EDC3: variants seen among roughly 807,000 people sequenced by gnomAD.
EDC3 encodes enhancer of mRNA decapping 3.
EDC3 carries 20 observed loss-of-function variants against 41.8 expected under a neutral mutation model. That is an observed-to-expected ratio of 0.48 (90% CI 0.34 to 0.70). EDC3 has a LOEUF of 0.70. EDC3 is among the 30% of genes least tolerant of loss of function. EDC3 has a pLI of 0.01. For synonymous variants in EDC3, 206 were observed against 243.2 expected, an observed-to-expected ratio of 0.85 and a Z score of 1.42; for missense variants, 444 against 636.8, an observed-to-expected ratio of 0.70 and a Z score of 3.26.
intron 3 of EDC3, among the ~76,000 whole-genome samples, chr15:74,657,857 C>T (rs965012073): frequency 6.6e-6 from 1 of 152,168 alleles, no homozygotes; most frequent in Admixed American, 6.5e-5. Context: ...TTTCGGTTAA[C>T]GTGATCTCTT....
At chr15:74,678,419 G>GA (rs994544834) in intron 1 of EDC3, among the ~76,000 whole-genome samples, 10 of 152,056 alleles carry the variant, frequency 6.6e-5, no homozygotes, top group Non-Finnish European at 1.3e-4. Context: ...CTATTTAATA[G>GA]AAAAAACCAA....
chr15:74,643,214 A>G (rs2062374617), intron 4 of EDC3: 1 of 152,234 alleles, frequency 6.6e-6, no homozygotes, highest in South Asian at 2.1e-4. Flanking sequence ...TGTAAATTGC[A>G]AACAACAACA....
intron 1 of EDC3, among the ~76,000 whole-genome samples, chr15:74,684,084 G>GTTTTT (rs58548595): frequency 9.7e-5 from 10 of 103,052 alleles, no homozygotes; most frequent in East Asian, 2.9e-4. Flanking sequence ...TTTTGTTTCT[G>GTTTTT]TTTTTTTTTT....
At chr15:74,674,894 A>G in intron 2 of EDC3, 67 bp downstream of exon 2, 1 of 1,577,444 alleles carries the variant, frequency 6.3e-7, no homozygotes, top group Non-Finnish European at 8.7e-7. Flanking sequence ...AATACTAGCA[A>G]TCAGACCTAG....
At chr15:74,682,146 T>C (rs1468180689) in intron 1 of EDC3, among the ~76,000 whole-genome samples, 1 of 152,008 alleles carries the variant, frequency 6.6e-6, no homozygotes, top group Non-Finnish European at 1.5e-5. Flanking sequence ...TCCTGGCAGG[T>C]TATTAAAAAA....
intron 1 of EDC3, among the ~76,000 whole-genome samples, chr15:74,685,757 T>A (rs1489565012): frequency 6.6e-6 from 1 of 152,126 alleles, no homozygotes; most frequent in Non-Finnish European, 1.5e-5. Context: ...CAGATGAATA[T>A]AAATACACAT....
Position 74,671,642 on chromosome 15 carries a change from G to A in EDC3, c.297C>T (p.Gly99=). Reference sequence around the variant, plus strand: ...CTGGCTTCTTGACAAACTTGCCTGTGCCATTCTGATTGATGCCCACTTGGC... The same window carrying A: ...CTGGCTTCTTGACAAACTTGCCTGTACCATTCTGATTGATGCCCACTTGGC... ...AGCQVGINQN[G]TGKFVKKPAS... is the part of the protein sequence containing the mutation. Residue 99 remains glycine (G), a synonymous_variant, in exon 3 of 7, where the codon GGC becomes GGT. Coordinates refer to ENST00000315127, the MANE Select transcript of EDC3 (RefSeq NM_025083.5). The surrounding 1 kb of genome is among the most constrained non-coding windows in gnomAD (Gnocchi z 4.6). The A allele has an allele frequency of 1.2e-6, 2 of 1,614,130 alleles. No homozygotes were observed. Among genetic ancestry groups the A allele is most frequent in the Non-Finnish European group, 8.5e-7 (1 of 1,180,024 alleles).
At chr15:74,677,108 G>C (rs35100626) in intron 1 of EDC3, 1 of 152,078 alleles carries the variant, frequency 6.6e-6, no homozygotes, top group African/African-American at 2.4e-5. Context: ...TGCCGCCCAG[G>C]CTGGAGTGCG....
At chr15:74,639,967 T>A in intron 5 of EDC3, 1 of 154,682 alleles carries the variant, frequency 6.5e-6, no homozygotes, top group South Asian at 2.0e-4. Flanking sequence ...TAGCAGAAGG[T>A]CTGGCACCTG....
chr15:74,646,467 G>C (rs981975764), intron 4 of EDC3, among the ~76,000 whole-genome samples: 2 of 152,212 alleles, frequency 1.3e-5, no homozygotes, highest in Admixed American at 1.3e-4. Flanking sequence ...TCCTGAGCAC[G>C]AGTGCAAAGT....
intron 5 of EDC3, 190 bp downstream of exon 5, chr15:74,640,276 T>C: frequency 3.3e-6 from 2 of 612,618 alleles, no homozygotes; most frequent in Non-Finnish European, 5.6e-6. Flanking sequence ...TGAGGACATC[T>C]AGGAGATGGG....
rs75041091 is a variant in EDC3 at position 74,644,368 on chromosome 15, C to G, written c.821-3749G>C. The G allele has an allele frequency of 2.0e-5, 3 of 152,412 alleles. No homozygotes were observed. In the East Asian group the frequency reaches 5.8e-4, roughly 29 times the overall value. 9.4% of individuals were successfully genotyped at this position (152,412 alleles called of 1,614,324 possible). On this transcript the variant is annotated intron_variant, in intron 4 of 6. Transcript: ENST00000315127. ...CTCTTCCAATGCTACCCCTACACAG[C>G]GGGCTCCTCATCTGTCAGGTGTCAG...
chr15:74,692,177 C>T (rs753984619), intron 1 of EDC3, among the ~76,000 whole-genome samples: 3 of 152,132 alleles, frequency 2.0e-5, no homozygotes, highest in Non-Finnish European at 2.9e-5. Flanking sequence ...ATCACAGAAA[C>T]CATGTGGCCC....
intron 2 of EDC3, among the ~76,000 whole-genome samples, chr15:74,674,130 G>A (rs2062774420): frequency 6.6e-6 from 1 of 151,938 alleles, no homozygotes; most frequent in Admixed American, 6.6e-5. Context: ...TTACAGACAG[G>A]GTCTTGCTCT....
At chr15:74,655,621 A>G in intron 4 of EDC3, 112 bp downstream of exon 4, 1 of 1,096,248 alleles carries the variant, frequency 9.1e-7, no homozygotes, top group Non-Finnish European at 1.3e-6. Flanking sequence ...CCACCAAGCC[A>G]CTTAAATTAA....
intron 4 of EDC3, among the ~76,000 whole-genome samples, chr15:74,649,993 T>C (rs2062462668): frequency 2.0e-5 from 3 of 152,194 alleles, no homozygotes; most frequent in Admixed American, 2.0e-4. Flanking sequence ...CACTCAACCC[T>C]GTTTTCAATC....
At position 74,671,531 on chromosome 15, in the gene EDC3, C is replaced by G. The variant is rs769477794; in HGVS notation, c.408G>C (p.Gln136His). 6.2e-7 allele frequency: 1 copy of G among 1,614,200 alleles called. No individual in the cohort carries two copies. Among genetic ancestry groups the G allele is most frequent in the South Asian group, 1.1e-5 (1 of 91,082 alleles). ...QDVAVSPQQQ[Q>H]CSKSYVDRHM... is the part of the protein sequence containing the mutation. Reference sequence around the variant, plus strand: ...GCCTGTCGACATAGCTCTTTGAGCACTGTTGCTGCTGCGGGGAAACGGCAA... The same window carrying G: ...GCCTGTCGACATAGCTCTTTGAGCAGTGTTGCTGCTGCGGGGAAACGGCAA... The change falls in exon 3 of 7, where the codon CAG becomes CAC. Residue 136 changes from glutamine (Q) to histidine (H), a missense_variant. By Grantham distance (24) the Gln-to-His change is conservative (BLOSUM62 0). Transcript: ENST00000315127. The surrounding 1 kb of genome is among the most constrained non-coding windows in gnomAD (Gnocchi z 4.6).
At chr15:74,666,065 TAA>T (rs1490261884) in intron 3 of EDC3, among the ~76,000 whole-genome samples, 1 of 152,162 alleles carries the variant, frequency 6.6e-6, no homozygotes, top group Non-Finnish European at 1.5e-5. Flanking sequence ...CCGAAAGTGT[TAA>T]GATTACAGGC....
chr15:74,650,710 G>GT, intron 4 of EDC3, among the ~76,000 whole-genome samples: 1 of 152,294 alleles, frequency 6.6e-6, no homozygotes, highest in African/African-American at 2.4e-5. Flanking sequence ...AATACCATGA[G>GT]TGTTAGGCCA....
Sources: gnomAD v4.1 joint callset for allele counts (sites outside exome capture counted in the v4.1 genomes callset) on GRCh38, gnomAD v4.1.1 for gene constraint, Gnocchi (gnomAD v3.1) non-coding constraint, MANE v1.5 for transcripts, NCBI Gene and HGNC (gene_info 2026-07-23, HGNC 2026-07-21) for gene names.